ARHGAP31: variants seen among roughly 807,000 people sequenced by gnomAD.
ARHGAP31 encodes the protein rho GTPase-activating protein 31.
A neutral mutation model predicts 113.9 loss-of-function variants in ARHGAP31; 34 were observed. That is an observed-to-expected ratio of 0.30 (90% CI 0.23 to 0.40). The LOEUF (loss-of-function observed/expected upper bound fraction) is 0.40. ARHGAP31 is among the 10% of genes least tolerant of loss of function. The pLI, the probability that ARHGAP31 is intolerant of heterozygous loss-of-function variation, is 1.00. For synonymous variants in ARHGAP31, 650 were observed against 684.8 expected, an observed-to-expected ratio of 0.95 and a Z score of 0.79; for missense variants, 1,548 against 1,767.1, an observed-to-expected ratio of 0.88 and a Z score of 2.22.
At chr3:119,365,556 G>T (rs561462425) in intron 2 of ARHGAP31, 138 bp downstream of exon 2, 1 of 759,606 alleles carries the variant, frequency 1.3e-6, no homozygotes, top group Admixed American at 2.0e-5. Context: ...AGATGCAGTG[G>T]TTTTCAGATG....
chr3:119,330,001 T>C lies in ARHGAP31; in HGVS notation c.100+34997T>C, dbSNP rs949799224. 10 of 985,306 alleles carry C rather than the reference T, an allele frequency of 1.0e-5. No homozygotes were observed. In the East Asian group the frequency reaches 5.7e-4, roughly 56 times the overall value. 61.0% of individuals were successfully genotyped at this position (985,306 alleles called of 1,614,324 possible). Reference sequence around the variant, plus strand: ...GTCTATGCGGGGTGAGTTTCCACTATCATCGGTGACTCCATTTGCCAGTTG... The same window carrying C: ...GTCTATGCGGGGTGAGTTTCCACTACCATCGGTGACTCCATTTGCCAGTTG... On this transcript the variant is annotated intron_variant, in intron 1 of 11. Coordinates refer to ENST00000264245, the MANE Select transcript of ARHGAP31 (RefSeq NM_020754.4).
rs569460060 is a variant in ARHGAP31, at chr3:119,369,227, G to A, written c.348+711G>A. Among the ~76,000 whole-genome samples, 6 of 152,300 alleles carry A rather than the reference G, an allele frequency of 3.9e-5. No homozygotes were observed. In the East Asian group the frequency reaches 9.7e-4, roughly 25 times the overall value. On this transcript the variant is annotated intron_variant, in intron 3 of 11. Coordinates refer to ENST00000264245, the MANE Select transcript of ARHGAP31 (RefSeq NM_020754.4). The stretch of plus-strand genomic sequence containing the variant: ...TTGAACATTTGGCTGCATGGGAGAA[G>A]GTGTAGAGTAGGCAGAGGGCTGGGT...
chr3:119,342,266 C>G (rs1344737956), intron 1 of ARHGAP31, among the ~76,000 whole-genome samples: 1 of 152,100 alleles, frequency 6.6e-6, no homozygotes, highest in Non-Finnish European at 1.5e-5. Flanking sequence ...TCATCCAGCT[C>G]TAGCAATGCT....
intron 1 of ARHGAP31, among the ~76,000 whole-genome samples, chr3:119,342,915 C>T (rs2080021994): frequency 6.6e-6 from 1 of 151,594 alleles, no homozygotes; most frequent in Non-Finnish European, 1.5e-5. Context: ...TACCATTGCA[C>T]TCCAGCATGG....
chr3:119,370,866 A>G (rs2080291782), intron 3 of ARHGAP31, among the ~76,000 whole-genome samples: 1 of 152,160 alleles, frequency 6.6e-6, no homozygotes, highest in Non-Finnish European at 1.5e-5. Context: ...TTAGAGAAAA[A>G]TCATGGAAGT....
intron 1 of ARHGAP31, chr3:119,330,071 C>CT (rs1206381860): frequency 1.1e-6 from 1 of 932,086 alleles, no homozygotes; most frequent in African/African-American, 1.8e-5. Context: ...ATTCAATCGT[C>CT]TGATTGTTTG....
At chr3:119,319,529 A>G (rs144803199) in intron 1 of ARHGAP31, among the ~76,000 whole-genome samples, 1 of 152,204 alleles carries the variant, frequency 6.6e-6, no homozygotes, top group Non-Finnish European at 1.5e-5. Flanking sequence ...CAAGCAAGGC[A>G]GTTCCCACCT....
In ARHGAP31 at chr3:119,402,795, C is replaced by T. The variant is rs1050868564; in HGVS notation, c.1645+398C>T. 2.6e-5 allele frequency among the ~76,000 whole-genome samples: 4 copies of T among 152,170 alleles called. No individual in the cohort carries two copies. In the East Asian group the frequency reaches 7.7e-4, roughly 29 times the overall value. On this transcript the variant is annotated intron_variant, in intron 10 of 11. Transcript: ENST00000264245. Reference sequence around the variant, plus strand: ...ACTCACAGAATGGAATGCAGAGCTGCAGAGCTGGAATTGGGGATTCAGTTC... The same window carrying T: ...ACTCACAGAATGGAATGCAGAGCTGTAGAGCTGGAATTGGGGATTCAGTTC...
Position 119,365,548 on chromosome 3 carries a change from A to G in ARHGAP31, c.203+130A>G, listed in dbSNP as rs1034018577. 1.1e-5 allele frequency: 9 copies of G among 807,576 alleles called. No homozygotes were observed. The Admixed American group carries it at 1.4e-4, about 13-fold the overall frequency. The allele number at this position is 807,576 out of a possible 1,614,324, so 50.0% of individuals were successfully genotyped here. ...GAAGTGTGGCAGCACCGAAGATCAG[A>G]TGCAGTGGTTTTCAGATGCCTGACT... On this transcript the variant is annotated intron_variant, in intron 2 of 11. Transcript: ENST00000264245.
rs147391656 is a variant in ARHGAP31 at position 119,339,811 on chromosome 3, C to A, written c.101-25505C>A. On this transcript the variant is annotated intron_variant, in intron 1 of 11. Coordinates refer to ENST00000264245, the MANE Select transcript of ARHGAP31 (RefSeq NM_020754.4). ...ACAGACTTAAATATAAAATGCAAGACTATAAAACTGTTAGAAAAAAAAATT... is the reference window on the plus strand; with the variant it reads ...ACAGACTTAAATATAAAATGCAAGAATATAAAACTGTTAGAAAAAAAAATT... Among the ~76,000 whole-genome samples, 497 of 152,024 alleles carry A rather than the reference C, an allele frequency of 3.3e-3. 5 individuals are homozygous for A. The highest frequency in any genetic ancestry group is 0.011 in the African/African-American group (469 of 41,466).
chr3:119,400,509 A>G (rs959307029), intron 9 of ARHGAP31, among the ~76,000 whole-genome samples: 36 of 152,164 alleles, frequency 2.4e-4, no homozygotes, highest in Non-Finnish European at 5.9e-5. Context: ...GATCTTCTTA[A>G]GTTAACTCGA....
At chr3:119,311,990 C>T (rs1239945194) in intron 1 of ARHGAP31, among the ~76,000 whole-genome samples, 2 of 152,188 alleles carry the variant, frequency 1.3e-5, no homozygotes, top group Non-Finnish European at 2.9e-5. Flanking sequence ...TCAACATTCT[C>T]AAAAGAGAAC....
chr3:119,403,307 C>G (rs1393548565), intron 10 of ARHGAP31, among the ~76,000 whole-genome samples: 2 of 152,210 alleles, frequency 1.3e-5, no homozygotes, highest in African/African-American at 4.8e-5. Context: ...CTATTATCCC[C>G]ATTTCCTTAA....
intron 8 of ARHGAP31, among the ~76,000 whole-genome samples, chr3:119,394,497 G>A (rs73187869): frequency 0.071 from 10,880 of 152,184 alleles, 522 homozygotes; most frequent in Non-Finnish European, 0.1. Context: ...TATTATGTCA[G>A]GAAAGAGAAG....
At chr3:119,391,009 C>T in intron 7 of ARHGAP31, 26 bp downstream of exon 7, 1 of 1,609,678 alleles carries the variant, frequency 6.2e-7, no homozygotes, top group Non-Finnish European at 8.5e-7. Flanking sequence ...TTAAAAAATT[C>T]TAGGAGATGT....
At chr3:119,312,005 G>A (rs1402034343) in intron 1 of ARHGAP31, among the ~76,000 whole-genome samples, 1 of 152,204 alleles carries the variant, frequency 6.6e-6, no homozygotes, top group Non-Finnish European at 1.5e-5. Flanking sequence ...GAGAACAAAG[G>A]TGACAGTATC....
intron 3 of ARHGAP31, among the ~76,000 whole-genome samples, chr3:119,376,970 G>A (rs1357453913): frequency 6.6e-6 from 1 of 152,202 alleles, no homozygotes; most frequent in Admixed American, 6.5e-5. Context: ...ATCCTACTGG[G>A]AGCCCAGAGT....
At chr3:119,320,482 C>T (rs574270924) in intron 1 of ARHGAP31, among the ~76,000 whole-genome samples, 1 of 152,306 alleles carries the variant, frequency 6.6e-6, no homozygotes, top group East Asian at 1.9e-4. Flanking sequence ...TCATTTTGCA[C>T]ACCTATTCTT....
chr3:119,374,958 T>C (rs186714236), intron 3 of ARHGAP31, among the ~76,000 whole-genome samples: 6 of 151,986 alleles, frequency 3.9e-5, no homozygotes, highest in Admixed American at 6.5e-5. Flanking sequence ...AAACAGGAAA[T>C]AAAGCCAGTG....
Sources: gnomAD v4.1 joint callset for allele counts (sites outside exome capture counted in the v4.1 genomes callset) on GRCh38, gnomAD v4.1.1 for gene constraint, MANE v1.5 for transcripts, NCBI Gene and HGNC (gene_info 2026-07-23, HGNC 2026-07-21) for gene names.